The following SLC22A25 variants were observed in gnomAD, a reference collection of about 807,000 sequenced individuals.
SLC22A25 encodes solute carrier family 22 member 25, also known as MGI:2442751, MGI:2385316, MGI:3042283, MGI:3645714, MGI:3605624, MGI:2442750.
A neutral mutation model predicts 45.9 loss-of-function variants in SLC22A25; 44 were observed. The observed-to-expected ratio is 0.96, with a 90% confidence interval of 0.75 to 1.23. SLC22A25 has a LOEUF of 1.23. SLC22A25 is among the 50% of genes most tolerant of loss of function. SLC22A25 has a pLI of 0.00. For synonymous variants in SLC22A25, 283 were observed against 238.6 expected (o/e 1.19, Z -1.72); for missense variants, 800 against 666.4 (o/e 1.20, Z -2.21).
intron 7 of SLC22A25, among the ~76,000 whole-genome samples, chr11:63,209,804 TCAA>T (rs1450413344): frequency 3.9e-5 from 6 of 152,176 alleles, no homozygotes; most frequent in South Asian, 4.1e-4. Context: ...GACCAGATTG[TCAA>T]CAACTTTTGC....
chr11:63,217,128 T>G (rs1590886828), intron 7 of SLC22A25, among the ~76,000 whole-genome samples, 186 bp downstream of exon 7: 1 of 152,366 alleles, frequency 6.6e-6, no homozygotes, highest in East Asian at 1.9e-4. Flanking sequence ...ATATTCAAAT[T>G]TAATTAACTG....
intron 7 of SLC22A25, among the ~76,000 whole-genome samples, chr11:63,189,228 C>A (rs2088694213): frequency 6.6e-6 from 1 of 152,174 alleles, no homozygotes; most frequent in Non-Finnish European, 1.5e-5. Flanking sequence ...TCTGGGTACT[C>A]CTGTATTGGG....
intron 7 of SLC22A25, among the ~76,000 whole-genome samples, chr11:63,185,757 T>C (rs1035128625): frequency 2.1e-5 from 3 of 141,130 alleles, no homozygotes; most frequent in African/African-American, 7.9e-5. Context: ...TGTGATCTCG[T>C]TGTTCAATTC....
In SLC22A25 at chr11:63,228,562, C is replaced by T. The variant is rs1330275544; in HGVS notation, c.405G>A (p.Trp135Ter). The change falls in exon 5 of 12, where the codon TGG (tryptophan) becomes TGA (stop). Residue 135 changes from tryptophan to a stop codon, truncating the protein, a stop_gained and splice_region_variant. Transcript: ENST00000306494. LOFTEE classifies it high-confidence loss of function. The stretch of plus-strand genomic sequence containing the variant: ...GTGGTTGAGATTCGCATACCAGATC[C>T]CACTGGAAGAAAAGGAAACCCTCAT... ...SSFPSTIVTK[W>*]DLVCESQPLN... 6.2e-7 allele frequency: 1 copy of T among 1,611,580 alleles called. No individual in the cohort carries two copies. Among genetic ancestry groups the T allele is most frequent in the Non-Finnish European group, 8.5e-7 (1 of 1,178,316 alleles).
At position 63,220,107 on chromosome 11, in the gene SLC22A25, C is replaced by G. The variant is rs1022696675; in HGVS notation, c.507-2372G>C. On this transcript the variant is annotated intron_variant, in intron 5 of 11. Coordinates refer to ENST00000306494, the MANE Select transcript of SLC22A25 (RefSeq NM_199352.6). ...CTGTGACAATATTGTCCTTAGATTA[C>G]TTACCTTTTGTTGTAAGGTAGAGGT... 61 of 942,510 alleles carry G rather than the reference C, an allele frequency of 6.5e-5. No homozygotes were observed. In the South Asian group the frequency reaches 8.1e-4, roughly 12 times the overall value. 58.4% of individuals were successfully genotyped at this position (942,510 alleles called of 1,614,324 possible).
intron 5 of SLC22A25, 56 bp downstream of exon 5, chr11:63,228,405 G>A (rs2090003933): frequency 7.6e-7 from 1 of 1,318,886 alleles, no homozygotes; most frequent in South Asian, 1.3e-5. Context: ...GATGAAAAGT[G>A]TTTCATGAAT....
intron 7 of SLC22A25, among the ~76,000 whole-genome samples, chr11:63,197,019 A>C (rs147922816): frequency 6.6e-6 from 1 of 152,120 alleles, no homozygotes; most frequent in Admixed American, 6.5e-5. Flanking sequence ...CTTCAAAGAG[A>C]ATAAAATACC....
At chr11:63,173,461 A>C (rs901697193) in intron 9 of SLC22A25, among the ~76,000 whole-genome samples, 3 of 152,150 alleles carry the variant, frequency 2.0e-5, no homozygotes, top group African/African-American at 7.2e-5. Flanking sequence ...GAATACTTAT[A>C]ATTTTATGTT....
intron 7 of SLC22A25, among the ~76,000 whole-genome samples, chr11:63,187,003 G>A (rs1424546135): frequency 6.6e-6 from 1 of 152,058 alleles, no homozygotes; most frequent in Non-Finnish European, 1.5e-5. Context: ...TGTTCTTTTG[G>A]CTTGGGATTG....
chr11:63,161,464 A>T lies in SLC22A25; in HGVS notation c.*2360T>A, dbSNP rs375566039. 1.1e-3 allele frequency among the ~76,000 whole-genome samples: 174 copies of T among 152,254 alleles called. No homozygotes were observed. The highest frequency in any genetic ancestry group is 4.0e-3 in the African/African-American group (166 of 41,540). On this transcript the variant is annotated 3_prime_UTR_variant, in exon 12 of 12. Coordinates refer to ENST00000306494, the MANE Select transcript of SLC22A25 (RefSeq NM_199352.6). ...TGTCCGCCTACCCAATCTCATCTTG[A>T]ATTGTAGCTCCCACAATTCCCACAC...
rs184549404 is a variant in SLC22A25 at position 63,208,825 on chromosome 11, C to A, written c.830+8489G>T. Among the ~76,000 whole-genome samples the A allele has an allele frequency of 1.1e-4, 16 of 152,162 alleles. No homozygotes were observed. The East Asian group carries it at 2.9e-3, about 28-fold the overall frequency. On this transcript the variant is annotated intron_variant, in intron 7 of 11. Transcript: ENST00000306494. ...ACCAGCTTCATGGCCAGCTTCATGG[C>A]TGTAGCAGGCTGTGACAGGGGAAGG...
At chr11:63,205,865 A>G (rs559036823) in intron 7 of SLC22A25, among the ~76,000 whole-genome samples, 19 of 152,316 alleles carry the variant, frequency 1.2e-4, no homozygotes, top group African/African-American at 4.6e-4. Flanking sequence ...ATTCAGGCCA[A>G]TATTCCTGAT....
At chr11:63,184,585 A>G (rs2088453072) in intron 7 of SLC22A25, among the ~76,000 whole-genome samples, 1 of 152,148 alleles carries the variant, frequency 6.6e-6, no homozygotes, top group Non-Finnish European at 1.5e-5. Flanking sequence ...TTTTGCCTTT[A>G]TGTTTTTAAC....
intron 10 of SLC22A25, among the ~76,000 whole-genome samples, chr11:63,165,654 G>A (rs923888633): frequency 6.6e-6 from 1 of 152,194 alleles, no homozygotes; most frequent in African/African-American, 2.4e-5. Context: ...TGGTAAGAAA[G>A]AGCCCAGACA....
chr11:63,210,799 A>G (rs572550508), intron 7 of SLC22A25, among the ~76,000 whole-genome samples: 54 of 152,312 alleles, frequency 3.5e-4, no homozygotes, highest in African/African-American at 1.2e-3. Context: ...GGGGCCAAAG[A>G]AAAGAAACCT....
At position 63,202,431 on chromosome 11, in the gene SLC22A25, G is replaced by A. The variant is rs112263269; in HGVS notation, c.830+14883C>T. Among the ~76,000 whole-genome samples, 1,251 of 152,296 alleles carry A rather than the reference G, an allele frequency of 8.2e-3. 26 individuals are homozygous for A. Among genetic ancestry groups the A allele is most frequent in the African/African-American group, 0.029 (1,190 of 41,552 alleles). Reference sequence around the variant, plus strand: ...GAAATTCTCACTGCCAGCACAGCAGGCTGAAGTCGACTTGGGACACTAGAG... The same window carrying A: ...GAAATTCTCACTGCCAGCACAGCAGACTGAAGTCGACTTGGGACACTAGAG... On this transcript the variant is annotated intron_variant, in intron 7 of 11. Coordinates refer to ENST00000306494, the MANE Select transcript of SLC22A25 (RefSeq NM_199352.6).
chr11:63,206,672 G>T (rs927584971), intron 7 of SLC22A25, among the ~76,000 whole-genome samples: 4 of 152,112 alleles, frequency 2.6e-5, no homozygotes, highest in Admixed American at 6.5e-5. Flanking sequence ...TGTGCTCATG[G>T]ATAGAATCAA....
intron 7 of SLC22A25, among the ~76,000 whole-genome samples, chr11:63,198,644 C>T (rs1461756917): frequency 3.3e-5 from 5 of 151,970 alleles, no homozygotes; most frequent in Non-Finnish European, 7.4e-5. Context: ...GTCCAGCACA[C>T]CAAAATGGCA....
chr11:63,239,805 G>A (rs2090218617), intron 1 of SLC22A25, among the ~76,000 whole-genome samples: 1 of 152,172 alleles, frequency 6.6e-6, no homozygotes, highest in African/African-American at 2.4e-5. Flanking sequence ...TATTCACACT[G>A]CATTTGTGAG....
Sources: gnomAD v4.1 joint callset for allele counts (sites outside exome capture counted in the v4.1 genomes callset) on GRCh38, gnomAD v4.1.1 for gene constraint, MANE v1.5 for transcripts, NCBI Gene and HGNC (gene_info 2026-07-23, HGNC 2026-07-21) for gene names.